PCGF3: variants seen among roughly 807,000 people sequenced by gnomAD.
PCGF3 encodes the protein polycomb group RING finger protein 3.
Under a neutral mutation model 33.1 loss-of-function variants are expected in PCGF3, and 7 were observed. That is an observed-to-expected ratio of 0.21 (90% CI 0.12 to 0.40). PCGF3 has a LOEUF of 0.40. Ranked by LOEUF, PCGF3 falls within the 10% of genes least tolerant of loss-of-function variation. The pLI, the probability that PCGF3 is intolerant of heterozygous loss-of-function variation, is 1.00. For synonymous variants in PCGF3, 153 were observed against 121.3 expected (o/e 1.26, Z -1.72); for missense variants, 211 against 313.3 (o/e 0.67, Z 2.46).
chr4:764,067 G>C (rs932407276), intron 9 of PCGF3, among the ~76,000 whole-genome samples: 3 of 152,192 alleles, frequency 2.0e-5, no homozygotes, highest in Non-Finnish European at 2.9e-5. Flanking sequence ...GGCGGGCACA[G>C]GGCTCCTGGG....
intron 8 of PCGF3, among the ~76,000 whole-genome samples, chr4:747,817 A>G (rs1319390082): frequency 6.6e-6 from 1 of 152,094 alleles, no homozygotes; most frequent in Non-Finnish European, 1.5e-5. Flanking sequence ...CTGGGGATGA[A>G]GGGAAGCAGT....
chr4:754,061 T>C (rs556011201), intron 8 of PCGF3, among the ~76,000 whole-genome samples: 1 of 152,308 alleles, frequency 6.6e-6, no homozygotes, highest in African/African-American at 2.4e-5. Flanking sequence ...CCAGTGGGAC[T>C]GCAGGGCTGG....
intron 8 of PCGF3, among the ~76,000 whole-genome samples, chr4:760,112 T>C (rs573123131): frequency 2.0e-5 from 3 of 152,378 alleles, no homozygotes; most frequent in African/African-American, 7.2e-5. Flanking sequence ...CCAGTGGCTC[T>C]TGCGGGGCCT....
intron 10 of PCGF3, among the ~76,000 whole-genome samples, chr4:765,765 A>C (rs1745333878): frequency 6.6e-6 from 1 of 152,100 alleles, no homozygotes; most frequent in Non-Finnish European, 1.5e-5. Flanking sequence ...AGCCAGGGCC[A>C]CATCAGGTAC....
chr4:753,600 G>A (rs1027163777), intron 8 of PCGF3, among the ~76,000 whole-genome samples: 64 of 150,206 alleles, frequency 4.3e-4, no homozygotes, highest in African/African-American at 1.5e-3. Context: ...CCGAGATCAC[G>A]CCACTGCACT....
intron 3 of PCGF3, among the ~76,000 whole-genome samples, chr4:732,985 C>T (rs1201504570): frequency 6.6e-6 from 1 of 151,712 alleles, no homozygotes; most frequent in African/African-American, 2.4e-5. Context: ...CGGCAGCTGT[C>T]AAGGCAGGGC....
chr4:764,645 C>T, intron 9 of PCGF3: 1 of 236,778 alleles, frequency 4.2e-6, no homozygotes, highest in Non-Finnish European at 8.3e-6. Context: ...CAGCTGCAGG[C>T]CAGATAGGGG....
chr4:715,981 G>C (rs1435898232), intron 1 of PCGF3, among the ~76,000 whole-genome samples: 518 of 97,404 alleles, frequency 5.3e-3, no homozygotes, highest in Non-Finnish European at 7.6e-3. Flanking sequence ...TGAAGACACT[G>C]AGTGTGAGAA....
At position 720,299 on chromosome 4, in the gene PCGF3, G is replaced by A. The variant is rs983237272; in HGVS notation, c.-189-10331G>A. Reference sequence around the variant, plus strand: ...GAGGGTGACTGCGGGAGGAGTGCCCGCCCATGCATCGCTGGGGAGGGTGAC... The same window carrying A: ...GAGGGTGACTGCGGGAGGAGTGCCCACCCATGCATCGCTGGGGAGGGTGAC... On this transcript the variant is annotated intron_variant, in intron 1 of 10. Coordinates refer to ENST00000362003, the Ensembl canonical transcript of PCGF3. This position sits in a 1 kb window ranked among gnomAD's most constrained non-coding sequence, Gnocchi z 5.6. 1.3e-5 allele frequency among the ~76,000 whole-genome samples: 2 copies of A among 151,916 alleles called. No homozygotes were observed. The highest frequency in any genetic ancestry group is 1.9e-4 in the East Asian group (1 of 5,162).
At chr4:717,264 A>G (rs369983048) in intron 1 of PCGF3, among the ~76,000 whole-genome samples, 937 of 43,654 alleles carry the variant, frequency 0.021, 11 homozygotes, top group Middle Eastern at 0.045. Context: ...GTGAGAACTG[A>G]GCGTCGGTGC....
chr4:711,736 C>T (rs1233019389), intron 1 of PCGF3, among the ~76,000 whole-genome samples: 1 of 151,816 alleles, frequency 6.6e-6, no homozygotes, highest in Non-Finnish European at 1.5e-5. Context: ...GGATTACAGG[C>T]GTGAGCCACC....
At chr4:710,976 A>T (rs892748408) in intron 1 of PCGF3, among the ~76,000 whole-genome samples, 1 of 152,220 alleles carries the variant, frequency 6.6e-6, no homozygotes, top group African/African-American at 2.4e-5. Context: ...GTTATTTGTG[A>T]CTTCATAAAA....
intron 1 of PCGF3, among the ~76,000 whole-genome samples, chr4:711,443 CT>C (rs201359627): frequency 0.014 from 1,747 of 122,942 alleles, 26 homozygotes; most frequent in South Asian, 0.033. Context: ...TGTAATTTTT[CT>C]TTTTTTTTTC....
intron 1 of PCGF3, among the ~76,000 whole-genome samples, chr4:716,214 C>T (rs535949231): frequency 1.5e-4 from 17 of 113,356 alleles, no homozygotes; most frequent in Admixed American, 8.3e-4. Context: ...GAGAACTGGG[C>T]GTGGGTGCTG....
At chr4:766,616 CCATTAA>C (rs967788501) in exon 11 of PCGF3, 4 of 152,402 alleles carry the variant, frequency 2.6e-5, no homozygotes, top group African/African-American at 7.2e-5. Flanking sequence ...AAAGAGGTTT[CCATTAA>C]CATTATGATT....
intron 9 of PCGF3, 163 bp from the exon 10 acceptor site, chr4:764,821 G>A (rs548085712): frequency 1.5e-5 from 9 of 596,778 alleles, no homozygotes; most frequent in Admixed American, 5.7e-5. Context: ...TAGGCTGTGA[G>A]GTAGGGATGG....
intron 6 of PCGF3, 89 bp downstream of exon 6, chr4:737,610 A>T (rs1206226070): frequency 2.5e-6 from 2 of 813,692 alleles, no homozygotes; most frequent in African/African-American, 1.7e-5. Flanking sequence ...CTCGGATGGG[A>T]GGCCCCTTTC....
exon 11 of PCGF3, chr4:769,316 T>A (rs1051960197): frequency 6.5e-6 from 1 of 152,842 alleles, no homozygotes; most frequent in South Asian, 2.1e-4. Context: ...AAGGGTGGCA[T>A]TGGGTTGGAC....
chr4:732,940 G>A (rs1457768371), intron 3 of PCGF3, among the ~76,000 whole-genome samples: 7 of 152,214 alleles, frequency 4.6e-5, no homozygotes, highest in African/African-American at 1.7e-4. Context: ...TCACCTCCCC[G>A]AAGGCGCAGG....
Sources: allele counts gnomAD v4.1 joint callset (sites outside exome capture counted in the v4.1 genomes callset), GRCh38; gene constraint gnomAD v4.1.1; non-coding constraint Gnocchi (gnomAD v3.1); transcripts MANE v1.5; gene names NCBI Gene and HGNC (gene_info 2026-07-23, HGNC 2026-07-21).